The following CNGB1 variants were observed in gnomAD, a reference collection of about 807,000 sequenced individuals.
CNGB1 encodes the protein cyclic nucleotide gated channel subunit beta 1.
Under a neutral mutation model 151.7 loss-of-function variants are expected in CNGB1, and 126 were observed. The observed-to-expected ratio is 0.83, with a 90% CI of 0.72 to 0.96. The LOEUF (loss-of-function observed/expected upper bound fraction) is 0.96, where lower values mean the gene tolerates loss of function less well. Ranked by LOEUF, CNGB1 falls within the 40% of genes least tolerant of loss-of-function variation. The pLI is 0.00. For missense variants in CNGB1, 1,698 were observed against 1,627.0 expected (o/e 1.04, Z -0.75); for synonymous variants, 623 against 635.1 (o/e 0.98, Z 0.29).
In CNGB1 at chr16:57,887,861, C is replaced by G. The variant is rs1959973994; in HGVS notation, c.3456G>C (p.Val1152=). 1 of 1,613,994 alleles carries G rather than the reference C, an allele frequency of 6.2e-7. No individual in the cohort carries two copies. Among genetic ancestry groups the G allele is most frequent in the African/African-American group, 1.3e-5 (1 of 74,924 alleles). The part of the protein sequence containing the change: ...LEAAAKQQEL[V]EQAKSSQDVK... Reference sequence around the variant, plus strand: ...GGGTTCCCAACCACATTACCTGTTCCACCAACTCTTGCTGCTTTGCAGCCG... The same window carrying G: ...GGGTTCCCAACCACATTACCTGTTCGACCAACTCTTGCTGCTTTGCAGCCG... The change falls in exon 32 of 33, where the codon GTG becomes GTC. Residue 1152 remains valine, a synonymous_variant. Transcript: ENST00000251102.
At chr16:57,940,781 C>A (rs76738974) in intron 14 of CNGB1, among the ~76,000 whole-genome samples, 1,868 of 152,164 alleles carry the variant, frequency 0.012, 36 homozygotes, top group African/African-American at 0.043. Context: ...AGTGACCTGG[C>A]AAAATCACAC....
intron 27 of CNGB1, among the ~76,000 whole-genome samples, chr16:57,902,048 G>T (rs1308048610): frequency 2.6e-5 from 4 of 151,722 alleles, no homozygotes; most frequent in East Asian, 1.9e-4. Flanking sequence ...TGTTTTTTTT[G>T]TTGTTGTTAT....
At chr16:57,916,039 A>T in intron 22 of CNGB1, 90 bp downstream of exon 22, 1 of 1,248,294 alleles carries the variant, frequency 8.0e-7, no homozygotes, top group South Asian at 1.2e-5. Context: ...CAGAAACCAC[A>T]TCTCATGAAC....
At position 57,939,446 on chromosome 16, in the gene CNGB1, C is replaced by G. The variant is rs1162333115; in HGVS notation, c.1356G>C (p.Glu452Asp). The G allele has an allele frequency of 6.2e-7, 1 of 1,614,170 alleles. No individual in the cohort carries two copies. Among genetic ancestry groups the G allele is most frequent in the African/African-American group, 1.3e-5 (1 of 75,058 alleles). ...CACACCTACCTCCTGAACTGGCAGC[C>G]TCGGCCTCAGCCTCAGGCTCCTCCT... ...ETKEEPEAEA[E>D]AASSGVPATK... is the part of the protein sequence containing the mutation. The change falls in exon 16 of 33, where the codon GAG becomes GAC. Residue 452 changes from glutamate (E) to aspartate (D), a missense_variant. Transcript: ENST00000251102.
chr16:57,885,510 CTTCCTTCCTTCCTTTT>C (rs1489226772), intron 32 of CNGB1, among the ~76,000 whole-genome samples: 2 of 148,122 alleles, frequency 1.4e-5, no homozygotes, highest in African/African-American at 5.1e-5. Flanking sequence ...TCCTTCTTTC[CTTCCTTCCTTCCTTTT>C]TTCCTTCCTT....
intron 17 of CNGB1, among the ~76,000 whole-genome samples, chr16:57,929,547 C>A (rs2149370910): frequency 6.6e-6 from 1 of 152,014 alleles, no homozygotes; most frequent in South Asian, 2.1e-4. Context: ...GTACCACAGG[C>A]TTAACAGGAA....
chr16:57,959,684 A>G (rs779690512), intron 10 of CNGB1, among the ~76,000 whole-genome samples: 13 of 152,244 alleles, frequency 8.5e-5, no homozygotes, highest in Non-Finnish European at 1.9e-4. Context: ...TGTGTTGAAG[A>G]AAAGAAAAGT....
intron 16 of CNGB1, among the ~76,000 whole-genome samples, chr16:57,934,022 C>T (rs1961437112): frequency 6.6e-6 from 1 of 152,024 alleles, no homozygotes; most frequent in Admixed American, 6.6e-5. Flanking sequence ...CGCACCCAGC[C>T]GATATGGGGT....
rs1959831463 is a variant in CNGB1, at chr16:57,884,089, G to T, written c.*75C>A. 1 of 1,600,746 alleles carries T rather than the reference G, an allele frequency of 6.2e-7. No homozygotes were observed. The highest frequency in any genetic ancestry group is 8.6e-7 in the Non-Finnish European group (1 of 1,168,364). ...CTTGAGCCGTGGGGGAAGGTGGGGC[G>T]CTGGGGCGCAGGGGCGCAGCGGGCG... On this transcript the variant is annotated 3_prime_UTR_variant, in exon 33 of 33. Coordinates refer to ENST00000251102, the MANE Select transcript of CNGB1 (RefSeq NM_001297.5).
At chr16:57,915,686 G>A (rs1245510089) in intron 22 of CNGB1, among the ~76,000 whole-genome samples, 2 of 152,156 alleles carry the variant, frequency 1.3e-5, no homozygotes, top group Non-Finnish European at 2.9e-5. Flanking sequence ...ATCACTTGAT[G>A]TCAGGAGTTC....
chr16:57,925,476 T>C (rs1170761066), intron 17 of CNGB1, among the ~76,000 whole-genome samples: 1 of 151,896 alleles, frequency 6.6e-6, no homozygotes, highest in African/African-American at 2.4e-5. Context: ...AAAATGCAAG[T>C]TGGGAGTGGT....
intron 11 of CNGB1, among the ~76,000 whole-genome samples, chr16:57,957,979 C>T (rs1215749645): frequency 6.6e-6 from 1 of 152,202 alleles, no homozygotes; most frequent in African/African-American, 2.4e-5. Context: ...GGTGACAGAG[C>T]TCATGAGCGC....
rs976544642 is a variant in CNGB1, at chr16:57,923,346, C to T, written c.1570G>A (p.Glu524Lys). 1 of 1,613,556 alleles carries T rather than the reference C, an allele frequency of 6.2e-7. No individual in the cohort carries two copies. Residue 524 changes from glutamate to lysine, a missense_variant, in exon 18 of 33, where the codon GAG becomes AAG. Glu to Lys is a moderately conservative substitution (Grantham distance 56, BLOSUM62 1). Transcript: ENST00000251102. Reference protein sequence around the residue: ...KLPSEDDEAEELKALSPAESP... With the variant: ...KLPSEDDEAEKLKALSPAESP... ...TCTGCTGGTGACAACGCCTTGAGCT[C>T]TTCAGCCTCATCATCCTCAGAGGGC... is the stretch of plus-strand genomic sequence containing the variant.
chr16:57,900,549 C>T (rs1171928152), intron 29 of CNGB1, among the ~76,000 whole-genome samples: 4 of 152,256 alleles, frequency 2.6e-5, no homozygotes, highest in East Asian at 1.9e-4. Flanking sequence ...GGACAGGGAG[C>T]AGAAAGGGCT....
At chr16:57,900,241 C>A (rs1437914697) in intron 29 of CNGB1, among the ~76,000 whole-genome samples, 2 of 152,208 alleles carry the variant, frequency 1.3e-5, no homozygotes, top group African/African-American at 4.8e-5. Context: ...CCCCTCTTTG[C>A]CCCTAAGGTT....
At position 57,920,562 on chromosome 16, in the gene CNGB1, A is replaced by C. The variant is rs975640504; in HGVS notation, c.1644-18T>G. On this transcript the variant is annotated intron_variant, in intron 18 of 32. Coordinates refer to ENST00000251102, the MANE Select transcript of CNGB1 (RefSeq NM_001297.5). ...CCTGGCCACTGTGGGAACATCACCC[A>C]AAGCTGAGCAGGCTGAGCCGGGAGG... is the stretch of plus-strand genomic sequence containing the variant. 23 of 1,610,234 alleles carry C rather than the reference A, an allele frequency of 1.4e-5. No homozygotes were observed. The East Asian group carries it at 5.1e-4, about 36-fold the overall frequency.
At chr16:57,885,580 T>TCTCTCTCTCTCTCTCTCTCTCTCTCTC (rs746385217) in intron 32 of CNGB1, among the ~76,000 whole-genome samples, 2 of 57,046 alleles carry the variant, frequency 3.5e-5, no homozygotes, top group African/African-American at 1.2e-4. Flanking sequence ...CTCTCTCTCT[T>TCTCTCTCTCTCTCTCTCTCTCTCTCTC]TCTTTCTTTC....
Position 57,916,023 on chromosome 16 carries a change from G to C in CNGB1, c.2217+106C>G, listed in dbSNP as rs572475911. ...CTCCCACAGGGACCAGCATCCCTCC[G>C]TGTGGCAGAAACCACATCTCATGAA... On this transcript the variant is annotated intron_variant, in intron 22 of 32. Transcript: ENST00000251102. 10 of 1,065,940 alleles carry C rather than the reference G, an allele frequency of 9.4e-6. No individual in the cohort carries two copies. In the East Asian group the frequency reaches 2.4e-4, roughly 25 times the overall value. The allele number at this position is 1,065,940 out of a possible 1,614,324, so 66.0% of individuals were successfully genotyped here.
chr16:57,953,152 C>A (rs1432144571), intron 12 of CNGB1, among the ~76,000 whole-genome samples: 1 of 152,178 alleles, frequency 6.6e-6, no homozygotes, highest in African/African-American at 2.4e-5. Flanking sequence ...TGGTCAGTGG[C>A]CTCTCTGCCC....
Sources: gnomAD v4.1 joint callset for allele counts (sites outside exome capture counted in the v4.1 genomes callset) on GRCh38, gnomAD v4.1.1 for gene constraint, MANE v1.5 for transcripts, NCBI Gene and HGNC (gene_info 2026-07-23, HGNC 2026-07-21) for gene names.